SMAD3: variants seen among roughly 807,000 people sequenced by gnomAD.
SMAD3 encodes the protein SMAD family member 3, also known as MAD homolog 3.
Under a neutral mutation model 51.8 loss-of-function variants are expected in SMAD3, and 12 were observed. That is an observed-to-expected ratio of 0.23 (90% CI 0.15 to 0.38). SMAD3 has a LOEUF of 0.38. Among genes scored for constraint, SMAD3 ranks in the 10% least tolerant of loss-of-function variants. The probability of loss-of-function intolerance (pLI) is 1.00; values close to 1 mark genes in which losing one functional copy is unlikely to be tolerated. For missense variants in SMAD3, 294 were observed against 565.6 expected, an observed-to-expected ratio of 0.52 and a Z score of 4.87; for synonymous variants, 238 against 227.7, an observed-to-expected ratio of 1.05 and a Z score of -0.41.
chr15:67,066,768 C>G (rs115201137), intron 1 of SMAD3, among the ~76,000 whole-genome samples: 1 of 152,220 alleles, frequency 6.6e-6, no homozygotes, highest in Non-Finnish European at 1.5e-5. Flanking sequence ...GGCCCGCGCT[C>G]GTGGAGGTGG....
At chr15:67,070,417 C>T (rs1960028236) in intron 1 of SMAD3, among the ~76,000 whole-genome samples, 1 of 152,070 alleles carries the variant, frequency 6.6e-6, no homozygotes, top group South Asian at 2.1e-4. Context: ...CTGCTTGCAC[C>T]TGGGAGTGGA....
At chr15:67,093,338 A>G (rs1960548155) in intron 1 of SMAD3, among the ~76,000 whole-genome samples, 1 of 152,198 alleles carries the variant, frequency 6.6e-6, no homozygotes, top group South Asian at 2.1e-4. Context: ...AGCCTTCAGG[A>G]TCCACACCTC....
Position 67,170,768 on chromosome 15 carries a change from C to T in SMAD3, c.658+164C>T, listed in dbSNP as rs118128985. 0.01 allele frequency: 6,441 copies of T among 616,752 alleles called. 50 individuals are homozygous for T. Among genetic ancestry groups the T allele is most frequent in the Non-Finnish European group, 0.012 (4,230 of 347,230 alleles). 38.2% of individuals were successfully genotyped at this position (616,752 alleles called of 1,614,324 possible). A position where few individuals can be genotyped will look rare whatever the true frequency, so the allele number is the denominator to read the frequency against. On this transcript the variant is annotated intron_variant, in intron 5 of 8. Coordinates refer to ENST00000327367, the MANE Select transcript of SMAD3 (RefSeq NM_005902.4). ...GGTTACGGTGATGTTGAGGTCACCA[C>T]GGAATGGGGAAACTTGAGAACAGTG...
At chr15:67,164,137 A>G (rs1289911444) in intron 1 of SMAD3, among the ~76,000 whole-genome samples, 3 of 151,204 alleles carry the variant, frequency 2.0e-5, no homozygotes, top group African/African-American at 7.3e-5. Flanking sequence ...CAGTGAAACC[A>G]CGTCTCTACT....
intron 1 of SMAD3, among the ~76,000 whole-genome samples, chr15:67,146,651 G>A (rs1282634807): frequency 1.3e-5 from 2 of 152,136 alleles, no homozygotes; most frequent in Non-Finnish European, 1.5e-5. Flanking sequence ...ATTTTCCTTT[G>A]AGGACATCTC....
intron 1 of SMAD3, among the ~76,000 whole-genome samples, chr15:67,152,671 C>T (rs1169382600): frequency 1.3e-5 from 2 of 152,170 alleles, no homozygotes; most frequent in Admixed American, 1.3e-4. Context: ...AGTGAAATGG[C>T]CACCCAGAAG....
intron 4 of SMAD3, among the ~76,000 whole-genome samples, chr15:67,169,288 G>A (rs1195779918): frequency 6.6e-6 from 1 of 152,008 alleles, no homozygotes; most frequent in South Asian, 2.1e-4. Flanking sequence ...TTGCATTTGG[G>A]GTTACAGGGG....
chr15:67,141,084 C>T (rs771524542), intron 1 of SMAD3, among the ~76,000 whole-genome samples: 1 of 152,186 alleles, frequency 6.6e-6, no homozygotes, highest in Admixed American at 6.6e-5. Context: ...TTTTTGACCT[C>T]CAGCCCAGAC....
chr15:67,088,582 A>G (rs1373369117), intron 1 of SMAD3, among the ~76,000 whole-genome samples: 1 of 152,146 alleles, frequency 6.6e-6, no homozygotes, highest in Non-Finnish European at 1.5e-5. Context: ...CGCTGCTAGG[A>G]AGGCTATTTC....
intron 1 of SMAD3, among the ~76,000 whole-genome samples, chr15:67,085,143 T>C (rs1293810498): frequency 6.6e-6 from 1 of 152,170 alleles, no homozygotes; most frequent in Non-Finnish European, 1.5e-5. Context: ...ATTTCAGAGG[T>C]GAAGCATTTA....
intron 5 of SMAD3, among the ~76,000 whole-genome samples, chr15:67,177,848 A>G (rs577727312): frequency 3.1e-4 from 47 of 152,162 alleles, no homozygotes; most frequent in Non-Finnish European, 6.2e-4. Context: ...CAGCTGAGGC[A>G]TGGTGGGCGG....
At chr15:67,184,009 T>C (rs1464855941) in intron 6 of SMAD3, among the ~76,000 whole-genome samples, 1 of 151,640 alleles carries the variant, frequency 6.6e-6, no homozygotes, top group Non-Finnish European at 1.5e-5. Context: ...AATAGTGGGG[T>C]AGTAGTAGCA....
intron 1 of SMAD3, among the ~76,000 whole-genome samples, chr15:67,161,976 T>G (rs895349703): frequency 6.6e-6 from 1 of 152,116 alleles, no homozygotes; most frequent in Admixed American, 6.6e-5. Flanking sequence ...TCGATCTGCC[T>G]GGTAATTACT....
intron 1 of SMAD3, among the ~76,000 whole-genome samples, chr15:67,103,674 T>A (rs1298692408): frequency 2.0e-5 from 3 of 152,100 alleles, no homozygotes; most frequent in Non-Finnish European, 4.4e-5. Context: ...GGTGTGGGCC[T>A]GTGTGTGGAC....
chr15:67,190,385 A>C (rs1963330156), intron 8 of SMAD3, 28 bp from the exon 9 acceptor site: 3 of 1,601,376 alleles, frequency 1.9e-6, no homozygotes, highest in Non-Finnish European at 2.6e-6. Context: ...TAAGTCCCCC[A>C]CCCCACCCCT....
intron 5 of SMAD3, among the ~76,000 whole-genome samples, chr15:67,175,707 G>A (rs542994928): frequency 1.9e-4 from 29 of 152,286 alleles, no homozygotes; most frequent in Middle Eastern, 3.4e-3. Flanking sequence ...TGACAGGCCC[G>A]GCTTCCCCTC....
intron 1 of SMAD3, among the ~76,000 whole-genome samples, chr15:67,150,728 A>C (rs1233835287): frequency 2.1e-5 from 3 of 144,498 alleles, no homozygotes; most frequent in East Asian, 4.5e-4. Flanking sequence ...TTGAACTAAT[A>C]GTGAGGTTTG....
At chr15:67,131,149 C>T (rs1961516462) in intron 1 of SMAD3, among the ~76,000 whole-genome samples, 1 of 152,230 alleles carries the variant, frequency 6.6e-6, no homozygotes, top group South Asian at 2.1e-4. Flanking sequence ...GCAGGAATAT[C>T]TTGTCCTACA....
At chr15:67,149,484 C>G (rs949136917) in intron 1 of SMAD3, among the ~76,000 whole-genome samples, 8 of 152,154 alleles carry the variant, frequency 5.3e-5, no homozygotes, top group Non-Finnish European at 1.0e-4. Flanking sequence ...ACAAGGGCCA[C>G]TTAGTTGATG....
Sources: allele counts gnomAD v4.1 joint callset (sites outside exome capture counted in the v4.1 genomes callset), GRCh38; gene constraint gnomAD v4.1.1; transcripts MANE v1.5; gene names NCBI Gene and HGNC (gene_info 2026-07-23, HGNC 2026-07-21).